MGAT4C: variants seen among roughly 807,000 people sequenced by gnomAD.
MGAT4C encodes the protein MGAT4 family member C.
Under a neutral mutation model 40.1 loss-of-function variants are expected in MGAT4C, and 19 were observed. The observed-to-expected ratio is 0.47, with a 90% CI of 0.33 to 0.70. MGAT4C has a LOEUF of 0.70. Ranked by LOEUF, MGAT4C falls within the 30% of genes least tolerant of loss-of-function variation. MGAT4C has a pLI of 0.02. For missense variants in MGAT4C, 491 were observed against 563.2 expected (o/e 0.87, Z 1.30); for synonymous variants, 181 against 187.1 (o/e 0.97, Z 0.27).
chr12:86,252,906 T>A (rs1466529906), intron 1 of MGAT4C, among the ~76,000 whole-genome samples: 1 of 152,058 alleles, frequency 6.6e-6, no homozygotes, highest in South Asian at 2.1e-4. Flanking sequence ...TGTTTTGATA[T>A]CTACCACAAG....
intron 1 of MGAT4C, among the ~76,000 whole-genome samples, chr12:86,750,732 G>A (rs1037767785): frequency 6.6e-5 from 10 of 151,886 alleles, no homozygotes; most frequent in African/African-American, 2.4e-4. Flanking sequence ...TTTGCAAGTC[G>A]ATATAGAACA....
chr12:86,245,667 A>G (rs1344128514), intron 1 of MGAT4C, among the ~76,000 whole-genome samples: 2 of 152,170 alleles, frequency 1.3e-5, no homozygotes, highest in Admixed American at 6.5e-5. Context: ...CTCTGAAGCC[A>G]TGGTGCATCC....
intron 1 of MGAT4C, among the ~76,000 whole-genome samples, chr12:86,770,526 T>A (rs1951613810): frequency 6.6e-6 from 1 of 152,080 alleles, no homozygotes; most frequent in African/African-American, 2.4e-5. Flanking sequence ...ATATTATACA[T>A]GATCCATAGA....
intron 1 of MGAT4C, among the ~76,000 whole-genome samples, chr12:86,815,004 TG>T (rs1249495404): frequency 6.6e-6 from 1 of 152,024 alleles, no homozygotes. Flanking sequence ...ATGAAAAAAA[TG>T]AGACTCTTTA....
chr12:86,637,157 G>C (rs948571353), intron 2 of MGAT4C, among the ~76,000 whole-genome samples: 13 of 151,894 alleles, frequency 8.6e-5, no homozygotes, highest in Admixed American at 4.0e-4. Flanking sequence ...ATTGATTACA[G>C]TTTTTGATTC....
chr12:86,656,116 T>C (rs1051953873), intron 2 of MGAT4C, among the ~76,000 whole-genome samples: 6 of 152,104 alleles, frequency 3.9e-5, no homozygotes, highest in Admixed American at 3.9e-4. Flanking sequence ...TGAAATTATG[T>C]TATTTTTTAA....
intron 4 of MGAT4C, among the ~76,000 whole-genome samples, chr12:86,286,212 T>C (rs144669924): frequency 3.3e-5 from 5 of 152,238 alleles, no homozygotes; most frequent in African/African-American, 9.6e-5. Context: ...TGTGACGTTT[T>C]ATACACATTA....
At chr12:86,172,447 G>A (rs1593139436) in intron 1 of MGAT4C, among the ~76,000 whole-genome samples, 1 of 151,956 alleles carries the variant, frequency 6.6e-6, no homozygotes, top group Non-Finnish European at 1.5e-5. Context: ...AGGTCTTCTG[G>A]TAGTCACTGG....
intron 3 of MGAT4C, 116 bp downstream of exon 3, chr12:85,989,284 T>G (rs1456174424): frequency 2.4e-6 from 2 of 850,928 alleles, no homozygotes; most frequent in Admixed American, 3.5e-5. Flanking sequence ...GTTATAATTT[T>G]GCTCAAACTA....
In MGAT4C at chr12:86,760,377, TTTTG is replaced by T. The variant is rs1339393375; in HGVS notation, c.-261-33140_-261-33137del. ...CTTAGGCACGGATTTTTGTTTTTGT[TTTTG>T]TTTTTGTTTTTTTTTGGATAAGTAG... On this transcript the variant is annotated intron_variant, in intron 1 of 7. Transcript: ENST00000548651. 2.0e-5 allele frequency among the ~76,000 whole-genome samples: 3 copies of T among 152,002 alleles called. No homozygotes were observed. In the East Asian group the frequency reaches 5.8e-4, roughly 29 times the overall value.
At chr12:86,743,611 C>T (rs1384450203) in intron 1 of MGAT4C, among the ~76,000 whole-genome samples, 2 of 151,402 alleles carry the variant, frequency 1.3e-5, no homozygotes, top group Non-Finnish European at 3.0e-5. Flanking sequence ...GGGATGAAAG[C>T]ACAGAGGAAA....
intron 2 of MGAT4C, among the ~76,000 whole-genome samples, chr12:86,534,493 T>C (rs1031454663): frequency 6.6e-6 from 1 of 152,142 alleles, no homozygotes; most frequent in African/African-American, 2.4e-5. Context: ...ATGTTCTCAG[T>C]ACTTCTTGGT....
rs1319404585 is a variant in MGAT4C at position 85,961,854 on chromosome 12, T to C, written c.*17435A>G. 1 of 151,876 alleles carries C rather than the reference T, an allele frequency of 6.6e-6. No homozygotes were observed. The highest frequency in any genetic ancestry group is 1.5e-5 in the Non-Finnish European group (1 of 67,770). 9.4% of individuals were successfully genotyped at this position (151,876 alleles called of 1,614,324 possible). On this transcript the variant is annotated 3_prime_UTR_variant, in exon 5 of 5. Coordinates refer to ENST00000611864, the MANE Select transcript of MGAT4C (RefSeq NM_001351288.2). The stretch of plus-strand genomic sequence containing the variant: ...ACAATTTGAAGCCGTGGGATTTTAT[T>C]AGGATTCTAAGGTTATTCTGTGACG...
chr12:85,992,762 T>G (rs1886101801), intron 2 of MGAT4C, among the ~76,000 whole-genome samples: 1 of 152,224 alleles, frequency 6.6e-6, no homozygotes, highest in African/African-American at 2.4e-5. Context: ...AGAAAGCTTT[T>G]CTGTGAATGT....
chr12:86,458,122 G>A (rs1187667158), intron 2 of MGAT4C, among the ~76,000 whole-genome samples: 1 of 151,990 alleles, frequency 6.6e-6, no homozygotes, highest in Admixed American at 6.6e-5. Flanking sequence ...ACCTTTAAAG[G>A]TGACAATATG....
chr12:86,045,123 C>A (rs377197741), intron 2 of MGAT4C, among the ~76,000 whole-genome samples: 6 of 152,144 alleles, frequency 3.9e-5, no homozygotes, highest in African/African-American at 1.4e-4. Context: ...CTCTGAAGAT[C>A]TGCTCATAGT....
rs1883181063 is a variant in MGAT4C at position 85,962,777 on chromosome 12, A to G, written c.*16512T>C. ...ATATTTTATTTCATTATATAAATGA[A>G]ATATTTTATCTGTTATAAAGACCTT... On this transcript the variant is annotated 3_prime_UTR_variant, in exon 5 of 5. Coordinates refer to ENST00000611864, the MANE Select transcript of MGAT4C (RefSeq NM_001351288.2). 6.6e-6 allele frequency: 1 copy of G among 151,482 alleles called. No individual in the cohort carries two copies. Among genetic ancestry groups the G allele is most frequent in the South Asian group, 2.1e-4 (1 of 4,816 alleles). The allele number at this position is 151,482 out of a possible 1,614,324, so 9.4% of individuals were successfully genotyped here.
intron 1 of MGAT4C, among the ~76,000 whole-genome samples, chr12:86,055,908 T>C (rs530002677): frequency 6.6e-6 from 1 of 152,256 alleles, no homozygotes; most frequent in South Asian, 2.1e-4. Flanking sequence ...CCTGACTCCT[T>C]GGCATCAGCT....
chr12:86,491,263 GA>G (rs1958127956), intron 2 of MGAT4C, among the ~76,000 whole-genome samples: 1 of 152,008 alleles, frequency 6.6e-6, no homozygotes. Flanking sequence ...CCAATCAATA[GA>G]AAAAGAGGGA....
Sources: gnomAD v4.1 joint callset for allele counts (sites outside exome capture counted in the v4.1 genomes callset) on GRCh38, gnomAD v4.1.1 for gene constraint, MANE v1.5 for transcripts, NCBI Gene and HGNC (gene_info 2026-07-23, HGNC 2026-07-21) for gene names.